Variants in CSMD1 observed in about 807,000 individuals in gnomAD.
The protein encoded by CSMD1 is CUB and Sushi multiple domains 1.
In CSMD1, 213 loss-of-function variants were observed where a neutral mutation model predicts 417.5. That is an observed-to-expected ratio of 0.51 (90% CI 0.46 to 0.57). The LOEUF (loss-of-function observed/expected upper bound fraction) is 0.57, where lower values mean the gene tolerates loss of function less well. Among genes scored for constraint, CSMD1 ranks in the 20% least tolerant of loss-of-function variants. CSMD1 has a pLI of 0.00. For missense variants in CSMD1, 6,923 were observed against 4,529.7 expected, an observed-to-expected ratio of 1.53 and a Z score of -15.17; for synonymous variants, 2,862 against 1,736.8, an observed-to-expected ratio of 1.65 and a Z score of -16.11.
At chr8:4,471,528 T>C (rs1418735427) in intron 2 of CSMD1, among the ~76,000 whole-genome samples, 1 of 152,114 alleles carries the variant, frequency 6.6e-6, no homozygotes, top group African/African-American at 2.4e-5. Flanking sequence ...ACGGCACTTC[T>C]GCTTAAGAAT....
intron 1 of CSMD1, among the ~76,000 whole-genome samples, chr8:4,991,426 G>C (rs1178717776): frequency 6.6e-6 from 1 of 152,188 alleles, no homozygotes; most frequent in Non-Finnish European, 1.5e-5. Context: ...CCACAGTAAC[G>C]GGTTCCAGTG....
intron 5 of CSMD1, among the ~76,000 whole-genome samples, chr8:3,840,184 C>T (rs183488857): frequency 1.3e-5 from 2 of 152,074 alleles, no homozygotes; most frequent in East Asian, 3.9e-4. Context: ...ATCAAAGGGC[C>T]TTCATAAAGT....
intron 7 of CSMD1, among the ~76,000 whole-genome samples, chr8:3,686,442 A>C (rs1255799296): frequency 1.3e-5 from 2 of 152,140 alleles, no homozygotes; most frequent in Non-Finnish European, 2.9e-5. Context: ...TGGGTTAAGA[A>C]TATGCCACCC....
chr8:4,855,055 A>G (rs1033032994), intron 1 of CSMD1, among the ~76,000 whole-genome samples: 8 of 152,248 alleles, frequency 5.3e-5, no homozygotes, highest in African/African-American at 1.9e-4. Flanking sequence ...CCCAGCAAGC[A>G]GCTGGAGATC....
At chr8:3,911,445 G>C (rs2912266) in intron 5 of CSMD1, among the ~76,000 whole-genome samples, 8 of 151,090 alleles carry the variant, frequency 5.3e-5, no homozygotes, top group Admixed American at 2.6e-4. Context: ...GGAGAATGGC[G>C]TGAACCCGCG....
chr8:3,335,100 G>C (rs901671828), intron 23 of CSMD1, among the ~76,000 whole-genome samples: 5 of 152,158 alleles, frequency 3.3e-5, no homozygotes, highest in Non-Finnish European at 7.4e-5. Flanking sequence ...GAGGAGCCCA[G>C]GACCCTGGAG....
chr8:3,050,442 G>A (rs751280656), intron 50 of CSMD1, among the ~76,000 whole-genome samples: 17 of 152,194 alleles, frequency 1.1e-4, no homozygotes, highest in Non-Finnish European at 8.8e-5. Flanking sequence ...CCTCCAGGCT[G>A]TGTGCAAAAG....
chr8:3,281,317 G>A (rs1039645518), intron 26 of CSMD1, among the ~76,000 whole-genome samples: 2 of 152,170 alleles, frequency 1.3e-5, no homozygotes, highest in Middle Eastern at 3.4e-3. Flanking sequence ...GTTGGTGCGT[G>A]CTTGTAATCC....
chr8:4,116,381 G>A lies in CSMD1; in HGVS notation c.416-84282C>T, dbSNP rs530214836. Among the ~76,000 whole-genome samples, 7 of 152,222 alleles carry A rather than the reference G, an allele frequency of 4.6e-5. No individual in the cohort carries two copies. The South Asian group carries it at 1.0e-3, about 23-fold the overall frequency. ...CATTATACACTTGTCCAAACCCATG[G>A]AATATACCACACCATGAATGAACCC... On this transcript the variant is annotated intron_variant, in intron 3 of 69. Coordinates refer to ENST00000635120, the MANE Select transcript of CSMD1 (RefSeq NM_033225.6).
chr8:4,312,678 A>T (rs1798696443), intron 3 of CSMD1, among the ~76,000 whole-genome samples: 1 of 151,734 alleles, frequency 6.6e-6, no homozygotes, highest in Non-Finnish European at 1.5e-5. Flanking sequence ...GGAGTTTGAG[A>T]CCAGCCTGGC....
At chr8:3,489,400 C>A (rs888804570) in intron 11 of CSMD1, among the ~76,000 whole-genome samples, 15 of 152,178 alleles carry the variant, frequency 9.9e-5, no homozygotes, top group African/African-American at 3.6e-4. Context: ...CTGCCACCCA[C>A]AGAACGTCCT....
At chr8:4,438,639 G>T (rs945004676) in intron 2 of CSMD1, among the ~76,000 whole-genome samples, 1 of 152,180 alleles carries the variant, frequency 6.6e-6, no homozygotes, top group African/African-American at 2.4e-5. Context: ...ATTATCCCAT[G>T]GAGTAGTATT....
At chr8:3,083,332 G>T (rs1197192565) in intron 49 of CSMD1, among the ~76,000 whole-genome samples, 3 of 151,458 alleles carry the variant, frequency 2.0e-5, no homozygotes, top group Admixed American at 2.0e-4. Flanking sequence ...AGAAAATAGG[G>T]TTCCCTTAAT....
intron 21 of CSMD1, among the ~76,000 whole-genome samples, chr8:3,348,532 C>G (rs1234975772): frequency 1.3e-5 from 2 of 152,170 alleles, no homozygotes; most frequent in African/African-American, 4.8e-5. Context: ...CATGAAATGT[C>G]CCCACCAGTT....
At chr8:4,374,172 C>G (rs943755427) in intron 3 of CSMD1, among the ~76,000 whole-genome samples, 2 of 152,080 alleles carry the variant, frequency 1.3e-5, no homozygotes, top group South Asian at 4.2e-4. Flanking sequence ...TTTTAGATCC[C>G]CCCTCTGAGT....
intron 3 of CSMD1, among the ~76,000 whole-genome samples, chr8:4,134,154 C>G (rs1258947010): frequency 1.3e-5 from 2 of 152,096 alleles, no homozygotes; most frequent in African/African-American, 4.8e-5. Context: ...GACATTGAAA[C>G]TCATGTGTAT....
chr8:3,150,438 C>T (rs748774578), intron 40 of CSMD1, among the ~76,000 whole-genome samples: 15 of 152,188 alleles, frequency 9.9e-5, no homozygotes, highest in Non-Finnish European at 1.8e-4. Flanking sequence ...GTTCATTCCC[C>T]GGCCACTCTC....
intron 7 of CSMD1, among the ~76,000 whole-genome samples, chr8:3,636,878 T>C (rs942774372): frequency 1.3e-5 from 2 of 152,236 alleles, no homozygotes; most frequent in African/African-American, 4.8e-5. Context: ...ATATAGATTT[T>C]GTTGCCATTG....
chr8:4,191,003 G>T (rs537034397), intron 3 of CSMD1, among the ~76,000 whole-genome samples: 1 of 152,072 alleles, frequency 6.6e-6, no homozygotes. Context: ...ACTAGACTTA[G>T]TACTTGAGTG....
Sources: gnomAD v4.1 joint callset for allele counts (sites outside exome capture counted in the v4.1 genomes callset) on GRCh38, gnomAD v4.1.1 for gene constraint, MANE v1.5 for transcripts, NCBI Gene and HGNC (gene_info 2026-07-23, HGNC 2026-07-21) for gene names.